Variants in SORCS2 observed in about 807,000 individuals in gnomAD.
SORCS2 encodes the protein VPS10 domain-containing receptor SorCS2.
A neutral mutation model predicts 141.6 loss-of-function variants in SORCS2; 100 were observed. That is an observed-to-expected ratio of 0.71 (90% CI 0.60 to 0.83). The LOEUF is 0.83. Among genes scored for constraint, SORCS2 ranks in the 40% least tolerant of loss-of-function variants. The probability of loss-of-function intolerance (pLI) is 0.00; values close to 1 mark genes in which losing one functional copy is unlikely to be tolerated. For synonymous variants in SORCS2, 789 were observed against 676.9 expected (o/e 1.17, Z -2.57); for missense variants, 1,646 against 1,560.2 (o/e 1.05, Z -0.93).
chr4:7,660,791 G>T (rs150721075), intron 5 of SORCS2, among the ~76,000 whole-genome samples: 2 of 152,188 alleles, frequency 1.3e-5, no homozygotes, highest in Non-Finnish European at 2.9e-5. Context: ...GCAAACTGTC[G>T]AGTGATGGGG....
intron 3 of SORCS2, among the ~76,000 whole-genome samples, chr4:7,569,443 C>T (rs1192407354): frequency 5.3e-5 from 8 of 152,062 alleles, no homozygotes; most frequent in Admixed American, 3.9e-4. Flanking sequence ...ACCTGGGAGG[C>T]GGAGGTTGCG....
intron 8 of SORCS2, among the ~76,000 whole-genome samples, chr4:7,668,739 C>A (rs1722639463): frequency 6.6e-6 from 1 of 152,178 alleles, no homozygotes; most frequent in Non-Finnish European, 1.5e-5. Flanking sequence ...CAGGCAAAGG[C>A]AGTAGGTGTC....
At chr4:7,409,611 G>T (rs544631236) in intron 2 of SORCS2, among the ~76,000 whole-genome samples, 1 of 152,320 alleles carries the variant, frequency 6.6e-6, no homozygotes, top group African/African-American at 2.4e-5. Flanking sequence ...GGGGAAGCTG[G>T]TTGTCCACCT....
At chr4:7,714,950 C>T (rs1342229334) in intron 16 of SORCS2, among the ~76,000 whole-genome samples, 1 of 152,206 alleles carries the variant, frequency 6.6e-6, no homozygotes, top group Non-Finnish European at 1.5e-5. Flanking sequence ...TCACCTCCTC[C>T]AGGCAGCCCT....
intron 10 of SORCS2, among the ~76,000 whole-genome samples, chr4:7,688,331 T>C (rs1724001944): frequency 6.6e-6 from 1 of 152,130 alleles, no homozygotes; most frequent in African/African-American, 2.4e-5. Context: ...CCCAGAAAAT[T>C]AGTGGTGTCT....
At position 7,537,668 on chromosome 4, in the gene SORCS2, G is replaced by T. The variant is rs148738615; in HGVS notation, c.648+6039G>T. ...TTCTAGAGCCTCTGAGGGTCTGGTG[G>T]GGCCCTGAGAAACTGAATCTCTCTG... On this transcript the variant is annotated intron_variant, in intron 3 of 26. Coordinates refer to ENST00000507866, the MANE Select transcript of SORCS2 (RefSeq NM_020777.3). Among the ~76,000 whole-genome samples the T allele has an allele frequency of 8.0e-3, 1,222 of 152,236 alleles. 10 individuals carry two copies. The highest frequency in any genetic ancestry group is 0.024 in the South Asian group (115 of 4,820).
At chr4:7,735,789 C>T (rs574651323) in intron 25 of SORCS2, among the ~76,000 whole-genome samples, 1 of 152,314 alleles carries the variant, frequency 6.6e-6, no homozygotes, top group African/African-American at 2.4e-5. Context: ...TGTCCTCTAC[C>T]AGGTGCCCAG....
At chr4:7,528,396 T>A (rs915789392) in intron 2 of SORCS2, among the ~76,000 whole-genome samples, 2 of 122,410 alleles carry the variant, frequency 1.6e-5, no homozygotes, top group African/African-American at 5.5e-5. Flanking sequence ...CACTGGCAGC[T>A]GCTACGTTTT....
At chr4:7,622,820 T>C (rs944589474) in intron 3 of SORCS2, among the ~76,000 whole-genome samples, 5 of 152,096 alleles carry the variant, frequency 3.3e-5, no homozygotes, top group African/African-American at 1.2e-4. Flanking sequence ...CCGAGAACCT[T>C]AATTAAATCA....
chr4:7,324,449 G>A (rs1295595461), intron 1 of SORCS2, among the ~76,000 whole-genome samples: 1 of 152,212 alleles, frequency 6.6e-6, no homozygotes, highest in Admixed American at 6.5e-5. Context: ...ACCGTCTGCC[G>A]GCGTCACCAT....
rs542657592 is a variant in SORCS2 at position 7,638,838 on chromosome 4, C to G, written c.813+346C>G. 3.3e-3 allele frequency among the ~76,000 whole-genome samples: 503 copies of G among 152,352 alleles called. 7 individuals are homozygous for G. The highest frequency in any genetic ancestry group is 1.4e-3 in the Non-Finnish European group (92 of 68,032). Reference sequence around the variant, plus strand: ...CACCAGTCACAAGGGCCTTTCTCCACTTCCAGAACATTGCGCACACCCTCA... The same window carrying G: ...CACCAGTCACAAGGGCCTTTCTCCAGTTCCAGAACATTGCGCACACCCTCA... On this transcript the variant is annotated intron_variant, in intron 4 of 26. Coordinates refer to ENST00000507866, the MANE Select transcript of SORCS2 (RefSeq NM_020777.3).
chr4:7,243,529 G>A (rs1445327641), intron 1 of SORCS2, among the ~76,000 whole-genome samples: 3 of 152,128 alleles, frequency 2.0e-5, no homozygotes, highest in Admixed American at 6.5e-5. Context: ...ACCCTCTCCC[G>A]GCAGAGCCAC....
intron 3 of SORCS2, among the ~76,000 whole-genome samples, chr4:7,579,897 A>G (rs996508368): frequency 6.6e-6 from 1 of 152,166 alleles, no homozygotes; most frequent in East Asian, 1.9e-4. Context: ...AGCAGAGGCA[A>G]CTGTGCTCAC....
At chr4:7,350,944 T>C (rs977335984) in intron 1 of SORCS2, among the ~76,000 whole-genome samples, 1 of 152,106 alleles carries the variant, frequency 6.6e-6, no homozygotes, top group Non-Finnish European at 1.5e-5. Flanking sequence ...TGTCTAGGGT[T>C]AGGGCAAGGG....
chr4:7,534,489 C>T (rs186764425), intron 3 of SORCS2, among the ~76,000 whole-genome samples: 22 of 152,358 alleles, frequency 1.4e-4, no homozygotes, highest in African/African-American at 4.3e-4. Flanking sequence ...ACCCCTGGAA[C>T]GTGTGAATGT....
chr4:7,532,599 TG>T (rs1167091353), intron 3 of SORCS2, among the ~76,000 whole-genome samples: 7 of 152,172 alleles, frequency 4.6e-5, no homozygotes, highest in Admixed American at 4.6e-4. Flanking sequence ...AGTGTTTCGA[TG>T]GTTGCGCTGG....
In SORCS2 at chr4:7,353,392, C is replaced by G. The variant is rs116303899; in HGVS notation, c.481-42896C>G. Among the ~76,000 whole-genome samples, 924 of 152,302 alleles carry G rather than the reference C, an allele frequency of 6.1e-3. 9 individuals are homozygous for G. The highest frequency in any genetic ancestry group is 0.021 in the African/African-American group (861 of 41,572). ...GCTACTAGGAGCTCCTGGTTCCACA[C>G]TGAACCTAGGATTAGAAGGAGACAG... On this transcript the variant is annotated intron_variant, in intron 1 of 26. Transcript: ENST00000507866.
intron 3 of SORCS2, among the ~76,000 whole-genome samples, chr4:7,561,055 G>C (rs918800421): frequency 6.6e-6 from 1 of 152,172 alleles, no homozygotes; most frequent in African/African-American, 2.4e-5. Flanking sequence ...GCCCTCTGAT[G>C]CTGTGTCTTT....
At chr4:7,351,421 A>G (rs1720931446) in intron 1 of SORCS2, among the ~76,000 whole-genome samples, 1 of 152,056 alleles carries the variant, frequency 6.6e-6, no homozygotes, top group Non-Finnish European at 1.5e-5. Context: ...TGTCTGCCTG[A>G]CAGGGTCTTC....
Sources: gnomAD v4.1 joint callset for allele counts (sites outside exome capture counted in the v4.1 genomes callset) on GRCh38, gnomAD v4.1.1 for gene constraint, MANE v1.5 for transcripts, NCBI Gene and HGNC (gene_info 2026-07-23, HGNC 2026-07-21) for gene names.